Variants in MEGF6 observed in about 807,000 individuals in gnomAD.
The protein encoded by MEGF6 is multiple EGF like domains 6, also known as multiple epidermal growth factor-like domains protein 6.
In MEGF6, 184 loss-of-function variants were observed where a neutral mutation model predicts 207.1. The observed-to-expected ratio is 0.89, with a 90% CI of 0.79 to 1.00. The LOEUF (loss-of-function observed/expected upper bound fraction) is 1.00, where lower values mean the gene tolerates loss of function less well. Among genes scored for constraint, MEGF6 ranks in the 50% least tolerant of loss-of-function variants. The pLI is 0.00. For synonymous variants in MEGF6, 1,038 were observed against 910.0 expected (o/e 1.14, Z -2.53); for missense variants, 2,282 against 2,202.9 (o/e 1.04, Z -0.72).
chr1:3,528,272 C>A (rs546577276), intron 4 of MEGF6, among the ~76,000 whole-genome samples: 1 of 152,298 alleles, frequency 6.6e-6, no homozygotes, highest in African/African-American at 2.4e-5. Context: ...ACTCAGAAAG[C>A]AAGGTAGGAA....
intron 4 of MEGF6, among the ~76,000 whole-genome samples, chr1:3,567,534 C>CG (rs917970842): frequency 2.0e-5 from 3 of 152,208 alleles, no homozygotes; most frequent in East Asian, 1.9e-4. Flanking sequence ...ACATGCCCCC[C>CG]CCAGGCTCTC....
rs765993800 is a variant in MEGF6 at position 3,560,815 on chromosome 1, G to C, written c.481+19010C>G. 1 of 465,248 alleles carries C rather than the reference G, an allele frequency of 2.1e-6. No homozygotes were observed. The highest frequency in any genetic ancestry group is 7.2e-5 in the East Asian group (1 of 13,884). 28.8% of individuals were successfully genotyped at this position (465,248 alleles called of 1,614,324 possible). A position where few individuals can be genotyped will look rare whatever the true frequency, so the allele number is the denominator to read the frequency against. On this transcript the variant is annotated intron_variant, in intron 4 of 36. Transcript: ENST00000356575. The surrounding 1 kb of genome is among the most constrained non-coding windows in gnomAD (Gnocchi z 4.0). The stretch of plus-strand genomic sequence containing the variant: ...CTCTGGCAGCCACCGGAGCAGCCAG[G>C]AACAGCCTCAGGCGTCGGCCGCGAG...
At chr1:3,502,013 CTG>C (rs1640899815) in intron 17 of MEGF6, 92 bp from the exon 18 acceptor site, 10 of 1,530,776 alleles carry the variant, frequency 6.5e-6, no homozygotes, top group African/African-American at 5.6e-5. Context: ...AGTGTGCCCC[CTG>C]TGCCTCACAT....
chr1:3,594,637 C>T lies in MEGF6; in HGVS notation c.376+701G>A, dbSNP rs990093821. ...CCCTTTGCCCAGGCGGTTTCACTGG[C>T]GGGGCTTCTGTCCCCATGCCTGAAA... On this transcript the variant is annotated intron_variant, in intron 3 of 36. Transcript: ENST00000356575. This position sits in a 1 kb window ranked among gnomAD's most constrained non-coding sequence, Gnocchi z 4.2. Among the ~76,000 whole-genome samples, 62 of 152,204 alleles carry T rather than the reference C, an allele frequency of 4.1e-4. No homozygotes were observed. Among genetic ancestry groups the T allele is most frequent in the African/African-American group, 1.2e-3 (49 of 41,528 alleles).
At chr1:3,605,079 G>GTCACACACAAACTCACACTCAA (rs1470351065) in intron 1 of MEGF6, among the ~76,000 whole-genome samples, 16 of 151,124 alleles carry the variant, frequency 1.1e-4, no homozygotes, top group African/African-American at 3.6e-4. Context: ...CACACTCTCA[G>GTCACACACAAACTCACACTCAA]TCACACACAA....
chr1:3,496,838 C>T (rs924365702), intron 28 of MEGF6, 55 bp from the exon 29 acceptor site: 4 of 1,536,676 alleles, frequency 2.6e-6, no homozygotes, highest in African/African-American at 1.4e-5. Flanking sequence ...CCCCAGTGCC[C>T]CTGAACACAG....
At chr1:3,608,938 G>C (rs755819620) in intron 1 of MEGF6, among the ~76,000 whole-genome samples, 3 of 152,206 alleles carry the variant, frequency 2.0e-5, no homozygotes, top group Non-Finnish European at 4.4e-5. Flanking sequence ...CTGCGAGTTG[G>C]AGGGCACACC....
chr1:3,494,878 G>A (rs904929590), intron 30 of MEGF6, 137 bp from the exon 31 acceptor site: 72 of 1,312,756 alleles, frequency 5.5e-5, no homozygotes, highest in East Asian at 1.8e-4. Context: ...CCTGCTGGGC[G>A]GGCACATGCC....
At chr1:3,532,636 T>C (rs1325863611) in intron 4 of MEGF6, among the ~76,000 whole-genome samples, 5 of 152,036 alleles carry the variant, frequency 3.3e-5, no homozygotes, top group Admixed American at 1.3e-4. Flanking sequence ...CAGAGGACAA[T>C]AGGTGAGCGG....
chr1:3,587,896 G>A (rs77901539), intron 3 of MEGF6, among the ~76,000 whole-genome samples: 52,367 of 68,382 alleles, frequency 0.77, 19,515 homozygotes, highest in Middle Eastern at 0.83. Flanking sequence ...CCAGGAGGGG[G>A]CAGGAGTGGC....
At chr1:3,529,693 C>T (rs1213492980) in intron 4 of MEGF6, among the ~76,000 whole-genome samples, 1 of 152,216 alleles carries the variant, frequency 6.6e-6, no homozygotes, top group Non-Finnish European at 1.5e-5. Flanking sequence ...GTGGAGGAGC[C>T]TCAGGGAGCC....
At chr1:3,613,767 A>G (rs1644355379), upstream of MEGF6, among the ~76,000 whole-genome samples, 2 of 152,118 alleles carry the variant, frequency 1.3e-5, no homozygotes, top group African/African-American at 4.8e-5. Flanking sequence ...TCGTGTATGC[A>G]TTTCTAGGGC....
At chr1:3,531,878 T>C (rs1217329445) in intron 4 of MEGF6, among the ~76,000 whole-genome samples, 1 of 151,852 alleles carries the variant, frequency 6.6e-6, no homozygotes, top group Non-Finnish European at 1.5e-5. Flanking sequence ...GGGGCTGAAC[T>C]CTGACAAGGG....
At chr1:3,579,059 C>T (rs1231760254) in intron 4 of MEGF6, among the ~76,000 whole-genome samples, 1 of 152,252 alleles carries the variant, frequency 6.6e-6, no homozygotes, top group African/African-American at 2.4e-5. Flanking sequence ...GTGGCCACCA[C>T]ACGAGCAGTC....
chr1:3,560,019 G>C lies in MEGF6; in HGVS notation c.481+19806C>G, dbSNP rs373942541. 1.0e-5 allele frequency among the ~76,000 whole-genome samples: 1 copy of C among 97,462 alleles called. No homozygotes were observed. The allele number at this position is 97,462 out of a possible 152,430, so 63.9% of individuals were successfully genotyped here. On this transcript the variant is annotated intron_variant, in intron 4 of 36. Coordinates refer to ENST00000356575, the MANE Select transcript of MEGF6 (RefSeq NM_001409.4). This position sits in a 1 kb window ranked among gnomAD's most constrained non-coding sequence, Gnocchi z 4.0. ...TATGAGAGTCCGTCTCAAAATAAAA[G>C]AAAAAAAAAAAAAAAAAGGAAACAC...
In MEGF6 at chr1:3,496,659, G is replaced by T. The variant is rs781567623; in HGVS notation, c.3738C>A (p.Asn1246Lys). The change falls in exon 29 of 37, where the codon AAC (asparagine) becomes AAA (lysine). Residue 1246 changes from asparagine to lysine, a missense_variant. Transcript: ENST00000356575. ...CTGCTGCCACCAGCCACTCACTGAG[G>T]TTGCAGTCCGTCCCGAGGAACCCAG... ...CPTGFLGTDCNLTCPQGRFGP... is the reference protein window; with the variant it reads ...CPTGFLGTDCKLTCPQGRFGP... 4 of 1,575,070 alleles carry T rather than the reference G, an allele frequency of 2.5e-6. No individual in the cohort carries two copies. Among genetic ancestry groups the T allele is most frequent in the Non-Finnish European group, 3.4e-6 (4 of 1,160,894 alleles).
At chr1:3,593,358 A>G (rs916355800) in intron 3 of MEGF6, among the ~76,000 whole-genome samples, 5 of 152,204 alleles carry the variant, frequency 3.3e-5, no homozygotes, top group Admixed American at 6.5e-5. Flanking sequence ...CGGGGCTCGG[A>G]GGGGACGGCA....
intron 4 of MEGF6, among the ~76,000 whole-genome samples, chr1:3,566,881 T>G (rs925704781): frequency 1.3e-5 from 2 of 152,132 alleles, no homozygotes; most frequent in African/African-American, 4.8e-5. Context: ...GCCTCAGAAA[T>G]AACTGGGTGC....
At chr1:3,550,562 C>T (rs1342209795) in intron 4 of MEGF6, among the ~76,000 whole-genome samples, 24 of 152,200 alleles carry the variant, frequency 1.6e-4, no homozygotes, top group Admixed American at 1.4e-3. Flanking sequence ...AAGAGAAAAA[C>T]GTCATCCCAA....
Sources: gnomAD v4.1 joint callset for allele counts (sites outside exome capture counted in the v4.1 genomes callset) on GRCh38, gnomAD v4.1.1 for gene constraint, Gnocchi (gnomAD v3.1) non-coding constraint, MANE v1.5 for transcripts, NCBI Gene and HGNC (gene_info 2026-07-23, HGNC 2026-07-21) for gene names.